The following USP33 variants were observed in gnomAD, a reference collection of about 807,000 sequenced individuals.
USP33 encodes ubiquitin carboxyl-terminal hydrolase 33.
USP33 carries 46 observed loss-of-function variants against 124.2 expected under a neutral mutation model. The ratio of observed to expected loss-of-function variants is 0.37; its 90% CI spans 0.29 to 0.47. USP33 has a LOEUF of 0.47. Ranked by LOEUF, USP33 falls within the 20% of genes least tolerant of loss-of-function variation. The pLI is 0.99. For missense variants in USP33, 851 were observed against 1,070.6 expected, an observed-to-expected ratio of 0.79 and a Z score of 2.86; for synonymous variants, 350 against 352.3, an observed-to-expected ratio of 0.99 and a Z score of 0.07.
At position 77,742,976 on chromosome 1, in the gene USP33, C is replaced by G. The variant is rs551061472; in HGVS notation, c.-51-1228G>C. On this transcript the variant is annotated intron_variant, in intron 1 of 23. Transcript: ENST00000370794. Reference sequence around the variant, plus strand: ...TTTATTTTTGAGACAGAGTTTCACTCTTGCTGCCCAGGCTGGAGTGCAATG... The same window carrying G: ...TTTATTTTTGAGACAGAGTTTCACTGTTGCTGCCCAGGCTGGAGTGCAATG... Among the ~76,000 whole-genome samples the G allele has an allele frequency of 2.6e-5, 4 of 151,964 alleles. No homozygotes were observed. The East Asian group carries it at 7.7e-4, about 29-fold the overall frequency.
chr1:77,734,531 C>A, intron 6 of USP33, 115 bp from the exon 7 acceptor site: 1 of 633,734 alleles, frequency 1.6e-6, no homozygotes, highest in Non-Finnish European at 2.7e-6. Flanking sequence ...TACAATATAG[C>A]AACTTGAACA....
At position 77,715,875 on chromosome 1, in the gene USP33, T is replaced by A. The variant is rs537654519; in HGVS notation, c.1919-7A>T. 10 of 1,608,648 alleles carry A rather than the reference T, an allele frequency of 6.2e-6. No homozygotes were observed. The East Asian group carries it at 2.2e-4, about 36-fold the overall frequency. Reference sequence around the variant, plus strand: ...TAGGCTATATAGTGTCCACCTGAATTTGAGGGAAAAGAAATCATTACAGTA... The same window carrying A: ...TAGGCTATATAGTGTCCACCTGAATATGAGGGAAAAGAAATCATTACAGTA... On this transcript the variant is annotated splice_polypyrimidine_tract_variant and splice_region_variant and intron_variant, in intron 17 of 23. Transcript: ENST00000370794.
chr1:77,750,094 G>C (rs564781661), intron 1 of USP33, among the ~76,000 whole-genome samples: 1 of 152,296 alleles, frequency 6.6e-6, no homozygotes, highest in African/African-American at 2.4e-5. Context: ...GAAGTAGGTG[G>C]ATCACCTGAG....
chr1:77,758,500 G>C (rs1348622785), intron 1 of USP33, among the ~76,000 whole-genome samples: 1 of 152,084 alleles, frequency 6.6e-6, no homozygotes, highest in African/African-American at 2.4e-5. Context: ...TCCTGCCAAA[G>C]TAATGAAATA....
chr1:77,741,838 A>G, intron 1 of USP33, 90 bp from the exon 2 acceptor site: 4 of 1,189,114 alleles, frequency 3.4e-6, no homozygotes, highest in South Asian at 1.9e-5. Context: ...AAATGTTAAC[A>G]TATTAAAAAT....
intron 9 of USP33, among the ~76,000 whole-genome samples, chr1:77,729,083 A>C (rs1326213518): frequency 6.6e-6 from 1 of 151,974 alleles, no homozygotes; most frequent in African/African-American, 2.4e-5. Flanking sequence ...TTTCTAAATT[A>C]TTTTTAGAAA....
chr1:77,716,396 G>A (rs1675907126), intron 17 of USP33, among the ~76,000 whole-genome samples: 1 of 152,154 alleles, frequency 6.6e-6, no homozygotes, highest in East Asian at 1.9e-4. Context: ...AATGACGGAT[G>A]AATAAAGTAC....
chr1:77,708,643 A>C (rs1024595500), intron 21 of USP33, among the ~76,000 whole-genome samples: 32 of 152,314 alleles, frequency 2.1e-4, no homozygotes, highest in Admixed American at 1.8e-3. Flanking sequence ...GTATACAAAG[A>C]AATTTTCTTT....
chr1:77,740,653 C>T (rs1679021749), intron 4 of USP33, among the ~76,000 whole-genome samples: 1 of 152,224 alleles, frequency 6.6e-6, no homozygotes, highest in African/African-American at 2.4e-5. Context: ...CCATGCCTGG[C>T]CGGATGTACA....
chr1:77,738,204 G>A (rs1295023429), intron 5 of USP33, among the ~76,000 whole-genome samples: 1 of 152,146 alleles, frequency 6.6e-6, no homozygotes, highest in African/African-American at 2.4e-5. Context: ...ATAAGAATGT[G>A]ATACAAACAT....
At chr1:77,715,310 G>A (rs755987601) in intron 18 of USP33, among the ~76,000 whole-genome samples, 13 of 151,978 alleles carry the variant, frequency 8.6e-5, no homozygotes, top group Non-Finnish European at 1.5e-4. Flanking sequence ...GGGTTCAAGC[G>A]ATTCTCCTGC....
chr1:77,700,640 T>C (rs893909084), intron 22 of USP33, among the ~76,000 whole-genome samples: 5 of 150,986 alleles, frequency 3.3e-5, no homozygotes, highest in Non-Finnish European at 5.9e-5. Flanking sequence ...AGTAAATACA[T>C]AAATACAAAA....
chr1:77,707,396 T>A (rs1392098452), intron 21 of USP33, among the ~76,000 whole-genome samples: 3 of 152,196 alleles, frequency 2.0e-5, no homozygotes, highest in African/African-American at 7.2e-5. Context: ...CGTATCTCTC[T>A]GCTGTGTATC....
At chr1:77,728,976 T>C (rs2101459327) in intron 9 of USP33, among the ~76,000 whole-genome samples, 1 of 152,240 alleles carries the variant, frequency 6.6e-6, no homozygotes, top group South Asian at 2.1e-4. Context: ...CACAGCTCAC[T>C]GTAGCCTCGA....
intron 1 of USP33, among the ~76,000 whole-genome samples, chr1:77,748,906 AATG>A (rs1680027586): frequency 6.6e-6 from 1 of 150,902 alleles, no homozygotes; most frequent in African/African-American, 2.4e-5. Flanking sequence ...TTTTTATTAT[AATG>A]ATGTGTTGTT....
At chr1:77,759,583 C>A (rs1681135695) in intron 1 of USP33, 60 bp downstream of exon 1, 1 of 398,162 alleles carries the variant, frequency 2.5e-6, no homozygotes, top group African/African-American at 2.1e-5. Context: ...AGAGACCGGA[C>A]CCCGGACGCG....
chr1:77,710,056 C>T (rs781351896), intron 21 of USP33, among the ~76,000 whole-genome samples: 3 of 152,148 alleles, frequency 2.0e-5, no homozygotes, highest in Non-Finnish European at 4.4e-5. Context: ...GTACTCATTA[C>T]ACGTATGTCT....
chr1:77,711,480 T>C (rs989756325), intron 21 of USP33: 23 of 282,576 alleles, frequency 8.1e-5, no homozygotes, highest in South Asian at 7.5e-4. Context: ...TGAGCCGAGA[T>C]TGCACCACTG....
At chr1:77,756,557 G>T (rs539582210) in intron 1 of USP33, among the ~76,000 whole-genome samples, 2 of 152,146 alleles carry the variant, frequency 1.3e-5, no homozygotes, top group African/African-American at 4.8e-5. Flanking sequence ...GAAGTTCTGG[G>T]AGCCTTTTAG....
Sources: allele counts gnomAD v4.1 joint callset (sites outside exome capture counted in the v4.1 genomes callset), GRCh38; gene constraint gnomAD v4.1.1; transcripts MANE v1.5; gene names NCBI Gene and HGNC (gene_info 2026-07-23, HGNC 2026-07-21).